CELF6: variants seen among roughly 807,000 people sequenced by gnomAD.
The protein encoded by CELF6 is Bruno -like 6, RNA binding protein.
CELF6 carries 32 observed loss-of-function variants against 53.1 expected under a neutral mutation model. That is an observed-to-expected ratio of 0.60 (90% CI 0.46 to 0.81). CELF6 has a LOEUF of 0.81. CELF6 is among the 30% of genes least tolerant of loss of function. The pLI, the probability that CELF6 is intolerant of heterozygous loss-of-function variation, is 0.00. For synonymous variants in CELF6, 291 were observed against 288.8 expected (o/e 1.01, Z -0.08); for missense variants, 539 against 669.5 (o/e 0.81, Z 2.15).
chr15:72,301,667 C>T (rs1481996243), intron 3 of CELF6, among the ~76,000 whole-genome samples: 6 of 151,724 alleles, frequency 4.0e-5, no homozygotes, highest in Non-Finnish European at 5.9e-5. Context: ...AAATGGGACA[C>T]GCTGTTCCAC....
intron 3 of CELF6, among the ~76,000 whole-genome samples, chr15:72,295,191 G>A (rs187562057): frequency 1.8e-4 from 27 of 150,672 alleles, no homozygotes; most frequent in Non-Finnish European, 3.1e-4. Flanking sequence ...AAAATTAGCC[G>A]TGTGTAGGTG....
At chr15:72,312,373 T>C (rs2088307694) in intron 2 of CELF6, among the ~76,000 whole-genome samples, 1 of 152,218 alleles carries the variant, frequency 6.6e-6, no homozygotes, top group Non-Finnish European at 1.5e-5. Flanking sequence ...ACGCCTGTAA[T>C]CCTAGCACTT....
At position 72,289,527 on chromosome 15, in the gene CELF6, C is replaced by G; in HGVS notation, c.748-20G>C. On this transcript the variant is annotated intron_variant, in intron 6 of 12. Transcript: ENST00000287202. The surrounding 1 kb of genome is among the most constrained non-coding windows in gnomAD (Gnocchi z 7.6). ...CAGGATCTTTGAGAGGAAAGATGGGCGAGAGTGGAGGGCCAAGGGGCAGGC... is the reference window on the plus strand; with the variant it reads ...CAGGATCTTTGAGAGGAAAGATGGGGGAGAGTGGAGGGCCAAGGGGCAGGC... 6.6e-7 allele frequency: 1 copy of G among 1,504,592 alleles called. No individual in the cohort carries two copies. Among genetic ancestry groups the G allele is most frequent in the Non-Finnish European group, 8.8e-7 (1 of 1,130,812 alleles). 93.2% of individuals were successfully genotyped at this position (1,504,592 alleles called of 1,614,324 possible). A position where few individuals can be genotyped will look rare whatever the true frequency, so the allele number is the denominator to read the frequency against.
intron 3 of CELF6, among the ~76,000 whole-genome samples, chr15:72,296,184 T>G (rs1232861308): frequency 6.6e-6 from 1 of 152,126 alleles, no homozygotes; most frequent in Admixed American, 6.6e-5. Flanking sequence ...TACAAAAGAA[T>G]GAAGTTAGAC....
At position 72,288,855 on chromosome 15, in the gene CELF6, C is replaced by A. The variant is rs1211724896; in HGVS notation, c.1093+13G>T. ...CTTCAACCTCCCCCAGGCCGCGTAG[C>A]GCCAAGTGAAACCTGCGTAGTGGTG... On this transcript the variant is annotated intron_variant, in intron 9 of 12. Transcript: ENST00000287202. The surrounding 1 kb of genome is among the most constrained non-coding windows in gnomAD (Gnocchi z 4.6). 7.1e-6 allele frequency: 11 copies of A among 1,550,092 alleles called. No individual in the cohort carries two copies. Among genetic ancestry groups the A allele is most frequent in the African/African-American group, 1.4e-5 (1 of 73,168 alleles).
At chr15:72,310,453 C>T (rs1000833918) in intron 2 of CELF6, among the ~76,000 whole-genome samples, 11 of 152,084 alleles carry the variant, frequency 7.2e-5, no homozygotes, top group Middle Eastern at 3.2e-3. Context: ...CACCATTCAT[C>T]CACACTCAAG....
At chr15:72,293,886 G>C (rs752534930) in intron 3 of CELF6, among the ~76,000 whole-genome samples, 2 of 152,036 alleles carry the variant, frequency 1.3e-5, no homozygotes, top group Non-Finnish European at 2.9e-5. Context: ...TAGAGACAGG[G>C]TTTCACCGTG....
Position 72,288,850 on chromosome 15 carries a change from CG to C in CELF6, c.1093+17del. ...GGGCCCTTCAACCTCCCCCAGGCCG[CG>C]TAGCGCCAAGTGAAACCTGCGTAGT... On this transcript the variant is annotated intron_variant, in intron 9 of 12. Transcript: ENST00000287202. This position sits in a 1 kb window ranked among gnomAD's most constrained non-coding sequence, Gnocchi z 4.6. 6.5e-7 allele frequency: 1 copy of C among 1,549,634 alleles called. No homozygotes were observed. The highest frequency in any genetic ancestry group is 8.7e-7 in the Non-Finnish European group (1 of 1,145,884).
chr15:72,320,008 C>G lies in CELF6; in HGVS notation c.-134G>C. Reference sequence around the variant, plus strand: ...AGAGGGCGGGGGGCTGCCCAGGGGGCGGGGTCCGGGTGGAGGGGCGTAGAG... The same window carrying G: ...AGAGGGCGGGGGGCTGCCCAGGGGGGGGGGTCCGGGTGGAGGGGCGTAGAG... On this transcript the variant is annotated 5_prime_UTR_variant, in exon 1 of 13. Coordinates refer to ENST00000287202, the MANE Select transcript of CELF6 (RefSeq NM_052840.5). 5.0e-6 allele frequency: 2 copies of G among 401,312 alleles called. No homozygotes were observed. The highest frequency in any genetic ancestry group is 4.2e-5 in the African/African-American group (1 of 23,798). 24.9% of individuals were successfully genotyped at this position (401,312 alleles called of 1,614,324 possible).
chr15:72,320,075 G>C lies in CELF6; in HGVS notation c.-201C>G. The C allele has an allele frequency of 1.6e-6, 1 of 642,420 alleles. No individual in the cohort carries two copies. Among genetic ancestry groups the C allele is most frequent in the Non-Finnish European group, 2.9e-6 (1 of 349,726 alleles). 39.8% of individuals were successfully genotyped at this position (642,420 alleles called of 1,614,324 possible). A position where few individuals can be genotyped will look rare whatever the true frequency, so the allele number is the denominator to read the frequency against. Reference sequence around the variant, plus strand: ...GAAAGGGGCGGGGCCGGGGCGGGGCGGGCCCGGGCCGAGGTGGCGGCTGAA... The same window carrying C: ...GAAAGGGGCGGGGCCGGGGCGGGGCCGGCCCGGGCCGAGGTGGCGGCTGAA... On this transcript the variant is annotated 5_prime_UTR_variant, in exon 1 of 13. Transcript: ENST00000287202.
At chr15:72,293,013 TGA>T (rs2088026592) in intron 3 of CELF6, among the ~76,000 whole-genome samples, 1 of 151,946 alleles carries the variant, frequency 6.6e-6, no homozygotes, top group African/African-American at 2.4e-5. Context: ...GGCGACAGAG[TGA>T]GACTCCAACT....
rs1249560209 is a variant in CELF6, at chr15:72,319,900, C to T, written c.-26G>A. 6.9e-6 allele frequency: 10 copies of T among 1,442,614 alleles called. No homozygotes were observed. The South Asian group carries it at 1.5e-4, about 21-fold the overall frequency. 89.4% of individuals were successfully genotyped at this position (1,442,614 alleles called of 1,614,324 possible). A position where few individuals can be genotyped will look rare whatever the true frequency, so the allele number is the denominator to read the frequency against. ...GTCCCCGCCCTGTCAGCCCTCCCGCCGGTCCCACTGGTCCCGCCTGTCCCG... is the reference window on the plus strand; with the variant it reads ...GTCCCCGCCCTGTCAGCCCTCCCGCTGGTCCCACTGGTCCCGCCTGTCCCG... On this transcript the variant is annotated 5_prime_UTR_variant, in exon 1 of 13. Coordinates refer to ENST00000287202, the MANE Select transcript of CELF6 (RefSeq NM_052840.5). This position sits in a 1 kb window ranked among gnomAD's most constrained non-coding sequence, Gnocchi z 5.0.
rs2912210 is a variant in CELF6 at position 72,284,984 on chromosome 15, G to C, written c.*1387C>G. 183 of 152,868 alleles carry C rather than the reference G, an allele frequency of 1.2e-3. No homozygotes were observed. Among genetic ancestry groups the C allele is most frequent in the African/African-American group, 4.4e-3 (183 of 41,572 alleles). The allele number at this position is 152,868 out of a possible 1,614,324, so 9.5% of individuals were successfully genotyped here. ...GGAAAGGCTGACCAAGGCAAGGTGAGTCATGGTGTTCTAAGCTGAATCTTT... is the reference window on the plus strand; with the variant it reads ...GGAAAGGCTGACCAAGGCAAGGTGACTCATGGTGTTCTAAGCTGAATCTTT... On this transcript the variant is annotated 3_prime_UTR_variant, in exon 13 of 13. Transcript: ENST00000287202.
chr15:72,298,681 C>T (rs1290624288), intron 3 of CELF6, among the ~76,000 whole-genome samples: 1 of 152,120 alleles, frequency 6.6e-6, no homozygotes, highest in Non-Finnish European at 1.5e-5. Context: ...ATATACAATT[C>T]AATAATTTTT....
intron 3 of CELF6, among the ~76,000 whole-genome samples, chr15:72,302,773 T>G (rs992409536): frequency 1.3e-5 from 2 of 152,214 alleles, no homozygotes; most frequent in African/African-American, 4.8e-5. Context: ...GCTCTTCCTC[T>G]GCCCAACATG....
intron 3 of CELF6, 110 bp from the exon 4 acceptor site, chr15:72,290,365 G>A: frequency 1.5e-6 from 2 of 1,359,370 alleles, no homozygotes; most frequent in South Asian, 1.4e-5. Flanking sequence ...GGGAAGCAGA[G>A]GGAGTGAGAA....
intron 3 of CELF6, among the ~76,000 whole-genome samples, chr15:72,294,977 C>CAAAAA (rs34499459): frequency 2.9e-5 from 3 of 104,932 alleles, no homozygotes; most frequent in Non-Finnish European, 5.5e-5. Context: ...GACTGTGTCT[C>CAAAAA]AAAAAAAAAA....
intron 2 of CELF6, among the ~76,000 whole-genome samples, chr15:72,307,149 G>A (rs1433346109): frequency 6.6e-6 from 1 of 152,156 alleles, no homozygotes; most frequent in Non-Finnish European, 1.5e-5. Context: ...GGAGCCTAGA[G>A]TGACGAGCAC....
At chr15:72,307,844 G>A (rs928301086) in intron 2 of CELF6, among the ~76,000 whole-genome samples, 2 of 152,254 alleles carry the variant, frequency 1.3e-5, no homozygotes, top group African/African-American at 4.8e-5. Context: ...AAGAGGCAAT[G>A]TTTGACCTGA....
Sources: allele counts gnomAD v4.1 joint callset (sites outside exome capture counted in the v4.1 genomes callset), GRCh38; gene constraint gnomAD v4.1.1; non-coding constraint Gnocchi (gnomAD v3.1); transcripts MANE v1.5; gene names NCBI Gene and HGNC (gene_info 2026-07-23, HGNC 2026-07-21).